GTF2F2: variants seen among roughly 807,000 people sequenced by gnomAD.
GTF2F2 encodes the protein general transcription factor IIF subunit 2.
In GTF2F2, 23 loss-of-function variants were observed where a neutral mutation model predicts 42.2. The observed-to-expected ratio is 0.55, with a 90% CI of 0.39 to 0.77. GTF2F2 has a LOEUF of 0.77. GTF2F2 is among the 30% of genes least tolerant of loss of function. GTF2F2 has a pLI of 0.00. For missense variants in GTF2F2, 261 were observed against 287.2 expected, an observed-to-expected ratio of 0.91 and a Z score of 0.66; for synonymous variants, 105 against 100.8, an observed-to-expected ratio of 1.04 and a Z score of -0.25.
intron 4 of GTF2F2, among the ~76,000 whole-genome samples, chr13:45,166,809 A>G (rs80006656): frequency 0.052 from 7,922 of 152,306 alleles, 276 homozygotes; most frequent in East Asian, 0.12. Context: ...TACAACTTGT[A>G]TACAAGCCTC....
Position 45,124,272 on chromosome 13 carries a change from C to T in GTF2F2, c.66+3551C>T, listed in dbSNP as rs547820288. ...TAATTTTTTGTATTTTTAGTAGAGA[C>T]GGGGTTTCACCGTGTTAGCCAGGAT... On this transcript the variant is annotated intron_variant, in intron 1 of 7. Transcript: ENST00000340473. 1,174 of 257,318 alleles carry T rather than the reference C, an allele frequency of 4.6e-3. 11 individuals carry two copies. Among genetic ancestry groups the T allele is most frequent in the South Asian group, 0.01 (244 of 24,172 alleles). 15.9% of individuals were successfully genotyped at this position (257,318 alleles called of 1,614,324 possible). A position where few individuals can be genotyped will look rare whatever the true frequency, so the allele number is the denominator to read the frequency against.
chr13:45,203,246 T>C (rs1873282126), intron 4 of GTF2F2, among the ~76,000 whole-genome samples: 2 of 151,790 alleles, frequency 1.3e-5, no homozygotes, highest in Admixed American at 6.6e-5. Flanking sequence ...CCACCTTTTT[T>C]TTTTTTTTTT....
intron 7 of GTF2F2, among the ~76,000 whole-genome samples, chr13:45,272,441 C>CA (rs1307383194): frequency 0.024 from 2,159 of 91,080 alleles, 45 homozygotes; most frequent in African/African-American, 0.08. Context: ...AAAAAAAAAA[C>CA]AAAAAAAAAA....
intron 4 of GTF2F2, among the ~76,000 whole-genome samples, chr13:45,155,351 CTCTT>C (rs979766735): frequency 5.9e-5 from 9 of 152,234 alleles, no homozygotes; most frequent in African/African-American, 1.9e-4. Flanking sequence ...CTTTTCTAGG[CTCTT>C]TGTTTCTTTT....
chr13:45,245,672 TATA>T (rs1875554279), intron 5 of GTF2F2, among the ~76,000 whole-genome samples: 2 of 75,378 alleles, frequency 2.7e-5, no homozygotes, highest in Admixed American at 2.3e-4. Context: ...TGTGAATATA[TATA>T]TATATATATA....
chr13:45,243,534 G>A (rs967779027), intron 5 of GTF2F2, among the ~76,000 whole-genome samples: 2 of 152,200 alleles, frequency 1.3e-5, no homozygotes, highest in Non-Finnish European at 2.9e-5. Flanking sequence ...GTGCCAAAAA[G>A]GTTGTGGGAC....
At chr13:45,179,133 G>A (rs1353765792) in intron 4 of GTF2F2, among the ~76,000 whole-genome samples, 2 of 152,222 alleles carry the variant, frequency 1.3e-5, no homozygotes, top group Non-Finnish European at 2.9e-5. Flanking sequence ...GTTGGTCACA[G>A]CAAGTCACAG....
chr13:45,171,723 C>T (rs976778781), intron 4 of GTF2F2, among the ~76,000 whole-genome samples: 1 of 152,148 alleles, frequency 6.6e-6, no homozygotes, highest in African/African-American at 2.4e-5. Context: ...TTCATCATCT[C>T]AAAAGAAACC....
intron 5 of GTF2F2, among the ~76,000 whole-genome samples, chr13:45,225,906 T>A (rs1874328391): frequency 6.6e-6 from 1 of 152,228 alleles, no homozygotes; most frequent in African/African-American, 2.4e-5. Flanking sequence ...GGAAGTTCAA[T>A]TTGAATTTCT....
intron 3 of GTF2F2, among the ~76,000 whole-genome samples, chr13:45,150,498 G>A (rs1174962251): frequency 6.6e-6 from 1 of 151,902 alleles, no homozygotes; most frequent in Non-Finnish European, 1.5e-5. Context: ...CCCCCCATCT[G>A]AAGTACAATT....
chr13:45,179,105 A>G (rs900733900), intron 4 of GTF2F2, among the ~76,000 whole-genome samples: 11 of 152,234 alleles, frequency 7.2e-5, no homozygotes, highest in Admixed American at 7.2e-4. Context: ...CTGGTGCAGC[A>G]TCACTTCAGC....
chr13:45,128,255 C>T (rs1447682358), intron 1 of GTF2F2, among the ~76,000 whole-genome samples: 5 of 147,508 alleles, frequency 3.4e-5, no homozygotes, highest in East Asian at 2.1e-4. Context: ...CCACTGTGCC[C>T]GGCCTCCCCC....
intron 7 of GTF2F2, among the ~76,000 whole-genome samples, chr13:45,276,276 G>A (rs1438824584): frequency 1.3e-5 from 2 of 152,062 alleles, no homozygotes; most frequent in Non-Finnish European, 2.9e-5. Context: ...TGGTACATTT[G>A]GGTTGGACAT....
Position 45,212,468 on chromosome 13 carries a change from TTTCTTTCTTTCTTTCTTTC to T in GTF2F2, c.386+4966_386+4984del, listed in dbSNP as rs1566137132. Among the ~76,000 whole-genome samples, 6 of 135,154 alleles carry T rather than the reference TTTCTTTCTTTCTTTCTTTC, an allele frequency of 4.4e-5. 1 individual carries two copies. The highest frequency in any genetic ancestry group is 1.2e-4 in the African/African-American group (4 of 33,866). The allele number at this position is 135,154 out of a possible 152,430, so 88.7% of individuals were successfully genotyped here. On this transcript the variant is annotated intron_variant, in intron 5 of 7. Coordinates refer to ENST00000340473, the MANE Select transcript of GTF2F2 (RefSeq NM_004128.3). ...TCTTGTTTCTTTCTTTCTTTCTTTC[TTTCTTTCTTTCTTTCTTTC>T]TTTCTTTCTTTCTTTCTTTCTTTTC...
chr13:45,228,669 C>CTTTTTTTTTTTTTT lies in GTF2F2; in HGVS notation c.386+21169_386+21182dup, dbSNP rs57570023. 1.4e-4 allele frequency among the ~76,000 whole-genome samples: 15 copies of CTTTTTTTTTTTTTT among 108,286 alleles called. 1 individual carries two copies. Among genetic ancestry groups the CTTTTTTTTTTTTTT allele is most frequent in the African/African-American group, 6.2e-4 (13 of 20,972 alleles). The allele number at this position is 108,286 out of a possible 152,430, so 71.0% of individuals were successfully genotyped here. A position where few individuals can be genotyped will look rare whatever the true frequency, so the allele number is the denominator to read the frequency against. On this transcript the variant is annotated intron_variant, in intron 5 of 7. Coordinates refer to ENST00000340473, the MANE Select transcript of GTF2F2 (RefSeq NM_004128.3). The stretch of plus-strand genomic sequence containing the variant: ...TCTCCTTATTGCTGCCAGAGTTAAT[C>CTTTTTTTTTTTTTT]TTTTTTTTTTTTTTTTTTGAGACGG...
intron 5 of GTF2F2, among the ~76,000 whole-genome samples, chr13:45,215,013 A>T (rs1412296947): frequency 6.6e-6 from 1 of 152,198 alleles, no homozygotes; most frequent in Non-Finnish European, 1.5e-5. Flanking sequence ...TCCTATAGAA[A>T]CACAGGTTCC....
At chr13:45,162,650 C>G (rs1343871390) in intron 4 of GTF2F2, among the ~76,000 whole-genome samples, 1 of 152,178 alleles carries the variant, frequency 6.6e-6, no homozygotes, top group East Asian at 1.9e-4. Context: ...TCTTCATATT[C>G]AGGTATTCAT....
chr13:45,163,561 CT>C, intron 4 of GTF2F2, among the ~76,000 whole-genome samples: 1 of 152,058 alleles, frequency 6.6e-6, no homozygotes, highest in Admixed American at 6.5e-5. Flanking sequence ...AAGTAAATTA[CT>C]TAGTCGCGGT....
intron 4 of GTF2F2, among the ~76,000 whole-genome samples, chr13:45,183,472 G>A (rs868617504): frequency 1.2e-4 from 18 of 152,114 alleles, no homozygotes; most frequent in Non-Finnish European, 1.9e-4. Flanking sequence ...GAAGCAAGAC[G>A]GGGAAGGTAA....
Sources: allele counts gnomAD v4.1 joint callset (sites outside exome capture counted in the v4.1 genomes callset), GRCh38; gene constraint gnomAD v4.1.1; transcripts MANE v1.5; gene names NCBI Gene and HGNC (gene_info 2026-07-23, HGNC 2026-07-21).